The following IFT140 variants were observed in gnomAD, a reference collection of about 807,000 sequenced individuals.
IFT140 encodes intraflagellar transport protein 140 homolog.
A neutral mutation model predicts 164.6 loss-of-function variants in IFT140; 133 were observed. That is an observed-to-expected ratio of 0.81 (90% CI 0.70 to 0.93). The LOEUF is 0.93. Ranked by LOEUF, IFT140 falls within the 40% of genes least tolerant of loss-of-function variation. The pLI, the probability that IFT140 is intolerant of heterozygous loss-of-function variation, is 0.00. For synonymous variants in IFT140, 860 were observed against 817.3 expected, an observed-to-expected ratio of 1.05 and a Z score of -0.89; for missense variants, 2,045 against 1,972.3, an observed-to-expected ratio of 1.04 and a Z score of -0.70.
chr16:1,589,315 T>G (rs1165304810), intron 7 of IFT140, among the ~76,000 whole-genome samples: 1 of 152,146 alleles, frequency 6.6e-6, no homozygotes, highest in Non-Finnish European at 1.5e-5. Flanking sequence ...CTCTCTTACT[T>G]GCACCCCAGG....
chr16:1,586,138 G>A lies in IFT140; in HGVS notation c.1147C>T (p.Gln383Ter), dbSNP rs1206753537. Residue 383 changes from glutamine (Q) to a stop codon, truncating the protein, a stop_gained, in exon 10 of 31, where the codon CAA (glutamine) becomes TAA (stop). Transcript: ENST00000426508. LOFTEE classifies it high-confidence loss of function. ...ACCCTTGGAGGCTGTACCTGGATTT[G>A]CGTGATGTTTCCTTGGAGCTCGGTA... ...TPTELQGNIT[Q>*]IQWGSRKNLL... 1.4e-5 allele frequency: 22 copies of A among 1,612,816 alleles called. No individual in the cohort carries two copies. Among genetic ancestry groups the A allele is most frequent in the African/African-American group, 2.7e-5 (2 of 74,896 alleles).
chr16:1,583,325 A>G lies in IFT140; in HGVS notation c.1421T>C (p.Ile474Thr). 2.5e-6 allele frequency: 4 copies of G among 1,614,118 alleles called. No individual in the cohort carries two copies. Among genetic ancestry groups the G allele is most frequent in the Non-Finnish European group, 3.4e-6 (4 of 1,179,990 alleles). Residue 474 changes from isoleucine (I) to threonine (T), a missense_variant, in exon 12 of 31, where the codon ATA becomes ACA. Ile to Thr is a moderately conservative substitution (Grantham distance 89). Coordinates refer to ENST00000426508, the MANE Select transcript of IFT140 (RefSeq NM_014714.4). ...VAIFELSGAAIRSAGTFLCET... is the reference protein window; with the variant it reads ...VAIFELSGAATRSAGTFLCET... ...TGAAAAGAACCCACCTGCACTCCGT[A>G]TCGCGGCTCCAGAAAGCTCGAAGAT...
chr16:1,540,798 T>C (rs2031558185), intron 19 of IFT140: 2 of 982,930 alleles, frequency 2.0e-6, no homozygotes, highest in Non-Finnish European at 1.2e-6. Flanking sequence ...CGACTTAGTT[T>C]TGGGAATCGA....
intron 30 of IFT140, among the ~76,000 whole-genome samples, chr16:1,513,818 C>T (rs879448985): frequency 1.7e-4 from 25 of 149,806 alleles, no homozygotes; most frequent in South Asian, 4.3e-4. Context: ...GGACTACAGG[C>T]GCCCACCACC....
chr16:1,541,234 T>C (rs1316527540), intron 19 of IFT140: 1 of 985,194 alleles, frequency 1.0e-6, no homozygotes, highest in East Asian at 1.1e-4. Context: ...CTTAAGCCAC[T>C]GAGTGAAAGA....
intron 15 of IFT140, 56 bp from the exon 16 acceptor site, chr16:1,566,347 T>C (rs534644130): frequency 4.4e-6 from 7 of 1,595,010 alleles, no homozygotes; most frequent in South Asian, 2.2e-5. Flanking sequence ...AGCGGGTTGG[T>C]GGGCTGTGCT....
intron 4 of IFT140, 75 bp downstream of exon 4, chr16:1,602,295 T>G: frequency 7.7e-7 from 1 of 1,301,998 alleles, no homozygotes; most frequent in Non-Finnish European, 1.1e-6. Context: ...TTCCCATATT[T>G]TGATCTTTCA....
chr16:1,544,911 G>A (rs557430441), intron 19 of IFT140, among the ~76,000 whole-genome samples: 1 of 152,306 alleles, frequency 6.6e-6, no homozygotes, highest in South Asian at 2.1e-4. Flanking sequence ...GCCTCCCAAA[G>A]TGCTGGGATT....
rs2032681836 is a variant in IFT140 at position 1,551,965 on chromosome 16, GT to G, written c.2399+5969del. ...TCCCTGGTGACGTGTGGCCCGCGCT[GT>G]CCCCCTGCAATGACGGTACCTCCAG... On this transcript the variant is annotated intron_variant, in intron 19 of 30. Coordinates refer to ENST00000426508, the MANE Select transcript of IFT140 (RefSeq NM_014714.4). The surrounding 1 kb of genome is among the most constrained non-coding windows in gnomAD (Gnocchi z 4.0). Among the ~76,000 whole-genome samples the G allele has an allele frequency of 6.6e-6, 1 of 152,120 alleles. No individual in the cohort carries two copies. The highest frequency in any genetic ancestry group is 6.5e-5 in the Admixed American group (1 of 15,284).
In IFT140 at chr16:1,520,727, C is replaced by T. The variant is rs1332512487; in HGVS notation, c.3535G>A (p.Asp1179Asn). ...EMAEKMTVAK[D>N]SSDLPEESRR... The stretch of plus-strand genomic sequence containing the variant: ...GACTCCTCAGGCAGGTCCGAGGAGT[C>T]CTTGGCCACGGTCATCTTTTCCGCC... The change falls in exon 27 of 31, where the codon GAC becomes AAC. Residue 1179 changes from aspartate to asparagine, a missense_variant. Coordinates refer to ENST00000426508, the MANE Select transcript of IFT140 (RefSeq NM_014714.4). The T allele has an allele frequency of 6.2e-7, 1 of 1,611,728 alleles. No homozygotes were observed. The highest frequency in any genetic ancestry group is 8.5e-7 in the Non-Finnish European group (1 of 1,179,960).
chr16:1,582,970 A>AG (rs2034655177), intron 12 of IFT140, among the ~76,000 whole-genome samples: 1 of 152,226 alleles, frequency 6.6e-6, no homozygotes, highest in Non-Finnish European at 1.5e-5. Flanking sequence ...CTGAGGAGCC[A>AG]CCTTGAAGTT....
At chr16:1,528,351 ACGCACG>A (rs2141197681) in intron 19 of IFT140, among the ~76,000 whole-genome samples, 1 of 131,578 alleles carries the variant, frequency 7.6e-6, no homozygotes, top group South Asian at 2.2e-4. Flanking sequence ...ACACGCATGC[ACGCACG>A]TGTGCACACA....
intron 4 of IFT140, among the ~76,000 whole-genome samples, chr16:1,597,474 T>C (rs545005127): frequency 6.6e-6 from 1 of 152,306 alleles, no homozygotes; most frequent in East Asian, 1.9e-4. Flanking sequence ...TCAGGTTAAG[T>C]GCACTTCTAA....
intron 17 of IFT140, among the ~76,000 whole-genome samples, chr16:1,563,559 A>C (rs758021456): frequency 3.3e-5 from 5 of 152,084 alleles, no homozygotes; most frequent in Non-Finnish European, 7.4e-5. Flanking sequence ...CCAGACAGTA[A>C]GTGTGGAGCT....
chr16:1,553,938 A>T lies in IFT140; in HGVS notation c.2399+3997T>A. 7.8e-7 allele frequency: 1 copy of T among 1,286,086 alleles called. No homozygotes were observed. Among genetic ancestry groups the T allele is most frequent in the Non-Finnish European group, 1.0e-6 (1 of 987,798 alleles). The allele number at this position is 1,286,086 out of a possible 1,614,324, so 79.7% of individuals were successfully genotyped here. On this transcript the variant is annotated intron_variant, in intron 19 of 30. Coordinates refer to ENST00000426508, the MANE Select transcript of IFT140 (RefSeq NM_014714.4). The surrounding 1 kb of genome is among the most constrained non-coding windows in gnomAD (Gnocchi z 4.4). ...AGGTCTTTGGAGCTCCTCAAAGATA[A>T]AACTGTAAGTGAAACTGTAGCATCA...
chr16:1,552,441 A>C (rs2032730245), intron 19 of IFT140, among the ~76,000 whole-genome samples: 1 of 151,358 alleles, frequency 6.6e-6, no homozygotes. Flanking sequence ...AGCACAACCC[A>C]CACCCCACCG....
rs1375248888 is a variant in IFT140 at position 1,510,911 on chromosome 16, G to A, written c.*33C>T. Reference sequence around the variant, plus strand: ...AAAAAATTCCAGAAGATGCCTTTCTGCAGCAGCACGCTGGTCCTGGGGCCC... The same window carrying A: ...AAAAAATTCCAGAAGATGCCTTTCTACAGCAGCACGCTGGTCCTGGGGCCC... On this transcript the variant is annotated 3_prime_UTR_variant, in exon 31 of 31. Transcript: ENST00000426508. The A allele has an allele frequency of 3.2e-6, 5 of 1,586,360 alleles. No homozygotes were observed. The African/African-American group carries it at 5.4e-5, about 17-fold the overall frequency.
chr16:1,554,751 C>T, intron 19 of IFT140: 9 of 1,609,868 alleles, frequency 5.6e-6, no homozygotes, highest in Non-Finnish European at 7.6e-6. Flanking sequence ...TCCTCTCAGA[C>T]AAGGCCTCTC....
intron 7 of IFT140, among the ~76,000 whole-genome samples, chr16:1,589,206 G>A (rs913671711): frequency 3.9e-5 from 6 of 152,212 alleles, no homozygotes; most frequent in African/African-American, 1.4e-4. Flanking sequence ...CCTCCAAGGA[G>A]CAGGGATTCC....
Sources: allele counts gnomAD v4.1 joint callset (sites outside exome capture counted in the v4.1 genomes callset), GRCh38; gene constraint gnomAD v4.1.1; non-coding constraint Gnocchi (gnomAD v3.1); transcripts MANE v1.5; gene names NCBI Gene and HGNC (gene_info 2026-07-23, HGNC 2026-07-21).